Variants in ADAMTS3 observed in about 807,000 individuals in gnomAD.
ADAMTS3 encodes ADAM metallopeptidase with thrombospondin type 1 motif 3, also known as A disintegrin and metalloproteinase with thrombospondin motifs 3.
A neutral mutation model predicts 129.0 loss-of-function variants in ADAMTS3; 73 were observed. The observed-to-expected ratio is 0.57, with a 90% CI of 0.47 to 0.69. The LOEUF is 0.69. Ranked by LOEUF, ADAMTS3 falls within the 30% of genes least tolerant of loss-of-function variation. The pLI is 0.00. For missense variants in ADAMTS3, 1,457 were observed against 1,514.5 expected, an observed-to-expected ratio of 0.96 and a Z score of 0.63; for synonymous variants, 477 against 510.8, an observed-to-expected ratio of 0.93 and a Z score of 0.89.
At chr4:72,472,273 C>A (rs72853028) in intron 3 of ADAMTS3, among the ~76,000 whole-genome samples, 6,203 of 152,092 alleles carry the variant, frequency 0.041, 441 homozygotes, top group African/African-American at 0.14. Context: ...TTATAAAAAC[C>A]AAACTACATA....
intron 5 of ADAMTS3, among the ~76,000 whole-genome samples, chr4:72,332,491 T>G (rs927129179): frequency 6.6e-6 from 1 of 152,152 alleles, no homozygotes; most frequent in Non-Finnish European, 1.5e-5. Context: ...TAATTTATAA[T>G]TTCGTAGAAG....
At chr4:72,310,889 C>T (rs6446827) in intron 14 of ADAMTS3, among the ~76,000 whole-genome samples, 159 bp downstream of exon 14, 30,655 of 151,994 alleles carry the variant, frequency 0.2, 3,573 homozygotes, top group East Asian at 0.47. Flanking sequence ...TGAGAAAGTA[C>T]AATGTCTCTC....
intron 3 of ADAMTS3, among the ~76,000 whole-genome samples, chr4:72,477,515 C>T (rs1316824154): frequency 6.6e-6 from 1 of 151,776 alleles, no homozygotes; most frequent in African/African-American, 2.4e-5. Context: ...CACAACATAC[C>T]AGAATCTCTG....
intron 3 of ADAMTS3, among the ~76,000 whole-genome samples, chr4:72,528,470 T>C (rs1036367483): frequency 4.6e-5 from 7 of 150,996 alleles, no homozygotes; most frequent in Non-Finnish European, 8.8e-5. Flanking sequence ...AAAATATCAC[T>C]TTTACCCCAT....
At chr4:72,531,595 T>C (rs1721043452) in intron 3 of ADAMTS3, among the ~76,000 whole-genome samples, 1 of 151,772 alleles carries the variant, frequency 6.6e-6, no homozygotes, top group African/African-American at 2.4e-5. Context: ...CCAAGAAGAG[T>C]GATGGTCCTC....
chr4:72,418,983 G>A (rs1722377142), intron 3 of ADAMTS3, among the ~76,000 whole-genome samples: 1 of 152,036 alleles, frequency 6.6e-6, no homozygotes, highest in South Asian at 2.1e-4. Context: ...TCTTTGCAAT[G>A]CCATTCATTC....
chr4:72,382,837 A>C (rs1030050969), intron 4 of ADAMTS3, among the ~76,000 whole-genome samples: 1 of 152,194 alleles, frequency 6.6e-6, no homozygotes, highest in Non-Finnish European at 1.5e-5. Flanking sequence ...ATGGGTATAC[A>C]TGAATCTGGA....
intron 4 of ADAMTS3, among the ~76,000 whole-genome samples, chr4:72,358,551 G>A (rs1426845094): frequency 6.6e-6 from 1 of 151,846 alleles, no homozygotes; most frequent in East Asian, 1.9e-4. Context: ...TGTGTGATCT[G>A]AATTACCTTG....
chr4:72,457,428 T>G (rs1718654308), intron 3 of ADAMTS3, among the ~76,000 whole-genome samples: 1 of 151,700 alleles, frequency 6.6e-6, no homozygotes, highest in South Asian at 2.1e-4. Flanking sequence ...CTACCTCAAA[T>G]TAGATATTAC....
intron 4 of ADAMTS3, among the ~76,000 whole-genome samples, chr4:72,395,717 T>C (rs1359734201): frequency 6.6e-6 from 1 of 152,192 alleles, no homozygotes; most frequent in African/African-American, 2.4e-5. Flanking sequence ...ATCTCTATAG[T>C]TCTCTTTATT....
chr4:72,420,958 A>G (rs1722430138), intron 3 of ADAMTS3, among the ~76,000 whole-genome samples: 1 of 152,214 alleles, frequency 6.6e-6, no homozygotes, highest in African/African-American at 2.4e-5. Flanking sequence ...CATAACCGCA[A>G]TGGATTTGGG....
rs934513829 is a variant in ADAMTS3 at position 72,295,870 on chromosome 4, T to C, written c.2591-84A>G. The stretch of plus-strand genomic sequence containing the variant: ...GATTATTCACTTACTCATTCATACA[T>C]TTATTCATCCATTCAATAAATATGT... On this transcript the variant is annotated intron_variant, in intron 18 of 21. Transcript: ENST00000286657. The C allele has an allele frequency of 5.4e-6, 8 of 1,494,762 alleles. 1 individual carries two copies. In the Admixed American group the frequency reaches 1.1e-4, roughly 21 times the overall value. 92.6% of individuals were successfully genotyped at this position (1,494,762 alleles called of 1,614,324 possible). A position where few individuals can be genotyped will look rare whatever the true frequency, so the allele number is the denominator to read the frequency against.
At chr4:72,458,383 T>C (rs944288522) in intron 3 of ADAMTS3, among the ~76,000 whole-genome samples, 3 of 151,564 alleles carry the variant, frequency 2.0e-5, no homozygotes, top group Non-Finnish European at 3.0e-5. Flanking sequence ...CATGTCATCA[T>C]TGCTTAAAAA....
At chr4:72,312,976 G>T (rs1468901203) in intron 12 of ADAMTS3, among the ~76,000 whole-genome samples, 1 of 152,050 alleles carries the variant, frequency 6.6e-6, no homozygotes, top group Non-Finnish European at 1.5e-5. Flanking sequence ...TATTGTCTTT[G>T]TTACTTCTAA....
At chr4:72,291,332 T>G (rs1718659229) in intron 19 of ADAMTS3, among the ~76,000 whole-genome samples, 4 of 151,972 alleles carry the variant, frequency 2.6e-5, no homozygotes, top group South Asian at 4.2e-4. Context: ...ACATGTGCCA[T>G]GCTGGTGTGC....
chr4:72,286,463 A>G (rs1718507993), intron 21 of ADAMTS3, among the ~76,000 whole-genome samples: 1 of 152,216 alleles, frequency 6.6e-6, no homozygotes, highest in Non-Finnish European at 1.5e-5. Context: ...TTTCAGATGA[A>G]AATTTATAAT....
chr4:72,384,921 C>T (rs1346721969), intron 4 of ADAMTS3, among the ~76,000 whole-genome samples: 2 of 152,136 alleles, frequency 1.3e-5, no homozygotes, highest in Non-Finnish European at 1.5e-5. Context: ...GTAATCCCAG[C>T]ACTTTGGGAG....
At chr4:72,456,253 A>ACG (rs1560522693) in intron 3 of ADAMTS3, among the ~76,000 whole-genome samples, 1 of 139,312 alleles carries the variant, frequency 7.2e-6, no homozygotes, top group Non-Finnish European at 1.5e-5. Context: ...TATATATAGT[A>ACG]TATATACTGT....
chr4:72,305,162 C>T (rs1387769440), intron 16 of ADAMTS3, among the ~76,000 whole-genome samples: 1 of 151,920 alleles, frequency 6.6e-6, no homozygotes, highest in Non-Finnish European at 1.5e-5. Context: ...TATGTTTACA[C>T]TTGTCTATAC....
Sources: allele counts gnomAD v4.1 joint callset (sites outside exome capture counted in the v4.1 genomes callset), GRCh38; gene constraint gnomAD v4.1.1; transcripts MANE v1.5; gene names NCBI Gene and HGNC (gene_info 2026-07-23, HGNC 2026-07-21).